TSPAN13: variants seen among roughly 807,000 people sequenced by gnomAD.
The protein encoded by TSPAN13 is tetraspanin-13.
In TSPAN13, 18 loss-of-function variants were observed where a neutral mutation model predicts 26.9. The observed-to-expected ratio is 0.67, with a 90% confidence interval of 0.46 to 0.99. TSPAN13 has a LOEUF of 0.99. Ranked by LOEUF, TSPAN13 falls within the 50% of genes least tolerant of loss-of-function variation. The pLI is 0.00. For synonymous variants in TSPAN13, 116 were observed against 98.4 expected (o/e 1.18, Z -1.06); for missense variants, 201 against 249.6 (o/e 0.81, Z 1.31).
chr7:16,769,624 A>G (rs1784651623), intron 1 of TSPAN13, among the ~76,000 whole-genome samples: 1 of 151,998 alleles, frequency 6.6e-6, no homozygotes, highest in East Asian at 1.9e-4. Flanking sequence ...TTGTGTATTG[A>G]TTCTGTTTCT....
At chr7:16,762,839 G>A (rs1478755237) in intron 1 of TSPAN13, among the ~76,000 whole-genome samples, 2 of 152,028 alleles carry the variant, frequency 1.3e-5, no homozygotes, top group African/African-American at 4.8e-5. Context: ...GGTCTAAAAT[G>A]TCTTTCCTTG....
rs114579711 is a variant in TSPAN13, at chr7:16,782,245, A to G, written c.541-1172A>G. Among the ~76,000 whole-genome samples the G allele has an allele frequency of 5.9e-3, 903 of 152,278 alleles. 9 individuals are homozygous for G. Among genetic ancestry groups the G allele is most frequent in the African/African-American group, 0.02 (849 of 41,556 alleles). Reference sequence around the variant, plus strand: ...ATCAGGCTTACCTTTCCTTGATTCAACCTGCAGACCTCAGTCCACCAGCTA... The same window carrying G: ...ATCAGGCTTACCTTTCCTTGATTCAGCCTGCAGACCTCAGTCCACCAGCTA... On this transcript the variant is annotated intron_variant, in intron 5 of 5. Transcript: ENST00000262067.
intron 1 of TSPAN13, among the ~76,000 whole-genome samples, chr7:16,768,905 C>G (rs907894000): frequency 6.6e-6 from 1 of 152,052 alleles, no homozygotes; most frequent in Non-Finnish European, 1.5e-5. Flanking sequence ...GAGACAGAGT[C>G]TTGCTCTGTC....
chr7:16,774,510 C>G (rs1175561187), intron 1 of TSPAN13, among the ~76,000 whole-genome samples: 1 of 152,166 alleles, frequency 6.6e-6, no homozygotes, highest in Non-Finnish European at 1.5e-5. Flanking sequence ...AATTTGAATA[C>G]CACAGAGTCA....
chr7:16,777,892 C>T lies in TSPAN13; in HGVS notation c.407C>T (p.Pro136Leu). The change falls in exon 4 of 6, where the codon CCA (proline) becomes CTA (leucine). Residue 136 changes from proline to leucine, a missense_variant. Physicochemically the swap from Pro to Leu is moderately conservative, Grantham distance 98. Transcript: ENST00000262067. ...TGCTGTGGGTTCCGAAGTGTTAACC[C>T]AAATGACACCTGTCTGGCTGTAAGT... Reference protein sequence around the residue: ...LNCCGFRSVNPNDTCLASCVK... With the variant: ...LNCCGFRSVNLNDTCLASCVK... 6.2e-7 allele frequency: 1 copy of T among 1,612,686 alleles called. No individual in the cohort carries two copies. The highest frequency in any genetic ancestry group is 8.5e-7 in the Non-Finnish European group (1 of 1,179,186).
chr7:16,780,195 G>T (rs921741886), intron 5 of TSPAN13, among the ~76,000 whole-genome samples: 1 of 151,946 alleles, frequency 6.6e-6, no homozygotes, highest in Non-Finnish European at 1.5e-5. Flanking sequence ...CACCTCTTGG[G>T]TTCAAGCGAT....
rs1333483056 is a variant in TSPAN13, at chr7:16,758,280, G to A, written c.63+4250G>A. On this transcript the variant is annotated intron_variant, in intron 1 of 5. Transcript: ENST00000262067. The stretch of plus-strand genomic sequence containing the variant: ...AAACATATGTCCATACAAATTATGG[G>A]AAGAAAGATCACTGGATTTATGAAG... 2.0e-5 allele frequency among the ~76,000 whole-genome samples: 3 copies of A among 152,146 alleles called. No homozygotes were observed. The East Asian group carries it at 5.8e-4, about 29-fold the overall frequency.
intron 1 of TSPAN13, among the ~76,000 whole-genome samples, chr7:16,773,946 A>G (rs957081292): frequency 1.2e-4 from 18 of 152,204 alleles, no homozygotes; most frequent in African/African-American, 4.1e-4. Context: ...TTATATGTGA[A>G]CTTGGCTAGG....
At chr7:16,772,262 G>A (rs1479307897) in intron 1 of TSPAN13, among the ~76,000 whole-genome samples, 1 of 152,134 alleles carries the variant, frequency 6.6e-6, no homozygotes, top group Non-Finnish European at 1.5e-5. Flanking sequence ...AAAATTCCAG[G>A]CAGGTTCTAT....
At position 16,783,329 on chromosome 7, in the gene TSPAN13, G is replaced by C; in HGVS notation, c.541-88G>C. ...CAAAAGATGCAAAGCGATTGAGAGGGTCCAAAGTTATTTTATTGATCAACT... is the reference window on the plus strand; with the variant it reads ...CAAAAGATGCAAAGCGATTGAGAGGCTCCAAAGTTATTTTATTGATCAACT... On this transcript the variant is annotated intron_variant, in intron 5 of 5. Transcript: ENST00000262067. The C allele has an allele frequency of 2.3e-6, 3 of 1,326,862 alleles. No individual in the cohort carries two copies. In the South Asian group the frequency reaches 3.8e-5, roughly 17 times the overall value. The allele number at this position is 1,326,862 out of a possible 1,614,324, so 82.2% of individuals were successfully genotyped here.
At chr7:16,783,078 T>G (rs1784831263) in intron 5 of TSPAN13, among the ~76,000 whole-genome samples, 1 of 152,144 alleles carries the variant, frequency 6.6e-6, no homozygotes, top group African/African-American at 2.4e-5. Context: ...GATTATATCA[T>G]TGAGCCCACC....
chr7:16,766,034 A>G (rs1784599997), intron 1 of TSPAN13, among the ~76,000 whole-genome samples: 2 of 152,224 alleles, frequency 1.3e-5, no homozygotes, highest in Non-Finnish European at 2.9e-5. Flanking sequence ...TTGTTTTACT[A>G]TTATCTTTAA....
intron 1 of TSPAN13, among the ~76,000 whole-genome samples, chr7:16,770,669 T>G (rs1022172556): frequency 6.6e-6 from 1 of 152,224 alleles, no homozygotes; most frequent in African/African-American, 2.4e-5. Context: ...ATTTTTTGAT[T>G]GGCAGCAATG....
chr7:16,776,451 C>T (rs1014836427), intron 2 of TSPAN13, 73 bp downstream of exon 2: 8 of 1,446,474 alleles, frequency 5.5e-6, no homozygotes, highest in South Asian at 1.4e-5. Flanking sequence ...AATATTATCA[C>T]TAGGAAATTT....
chr7:16,758,746 A>T (rs1489083689), intron 1 of TSPAN13, among the ~76,000 whole-genome samples: 2 of 137,372 alleles, frequency 1.5e-5, no homozygotes, highest in African/African-American at 2.7e-5. Context: ...ATTTCTTGTA[A>T]TACCCTTTTT....
rs532169552 is a variant in TSPAN13, at chr7:16,773,235, T to G, written c.64-2976T>G. On this transcript the variant is annotated intron_variant, in intron 1 of 5. Coordinates refer to ENST00000262067, the MANE Select transcript of TSPAN13 (RefSeq NM_014399.4). Reference sequence around the variant, plus strand: ...TTTTTCATTCTCTTCTATACCGACTTCTAGAGCAGGGGTCCGAAAACTACA... The same window carrying G: ...TTTTTCATTCTCTTCTATACCGACTGCTAGAGCAGGGGTCCGAAAACTACA... 5.3e-5 allele frequency among the ~76,000 whole-genome samples: 8 copies of G among 151,920 alleles called. No individual in the cohort carries two copies. In the South Asian group the frequency reaches 1.7e-3, roughly 32 times the overall value.
In TSPAN13 at chr7:16,774,414, C is replaced by T. The variant is rs1318162945; in HGVS notation, c.64-1797C>T. ...CAGCAAGGATGCTAAGCATAGCCCT[C>T]CTGCCACGCATCATCCAGCACTCCT... is the stretch of plus-strand genomic sequence containing the variant. On this transcript the variant is annotated intron_variant, in intron 1 of 5. Coordinates refer to ENST00000262067, the MANE Select transcript of TSPAN13 (RefSeq NM_014399.4). Among the ~76,000 whole-genome samples the T allele has an allele frequency of 2.6e-5, 4 of 152,296 alleles. No homozygotes were observed. In the East Asian group the frequency reaches 7.7e-4, roughly 29 times the overall value.
intron 1 of TSPAN13, among the ~76,000 whole-genome samples, chr7:16,763,133 A>C (rs1784565523): frequency 6.6e-6 from 1 of 152,188 alleles, no homozygotes; most frequent in Admixed American, 6.5e-5. Flanking sequence ...TTGTAGAAAA[A>C]AGATGGGACA....
chr7:16,767,140 T>C (rs1784613511), intron 1 of TSPAN13, among the ~76,000 whole-genome samples: 1 of 152,160 alleles, frequency 6.6e-6, no homozygotes, highest in African/African-American at 2.4e-5. Flanking sequence ...TAAATGTTAC[T>C]CTGTAGCTAA....
Sources: allele counts gnomAD v4.1 joint callset (sites outside exome capture counted in the v4.1 genomes callset), GRCh38; gene constraint gnomAD v4.1.1; transcripts MANE v1.5; gene names NCBI Gene and HGNC (gene_info 2026-07-23, HGNC 2026-07-21).